The following GRIP2 variants were observed in gnomAD, a reference collection of about 807,000 sequenced individuals.
The protein encoded by GRIP2 is glutamate receptor interacting protein 2.
In GRIP2, 58 loss-of-function variants were observed where a neutral mutation model predicts 108.3. The ratio of observed to expected loss-of-function variants is 0.54; its 90% CI spans 0.43 to 0.67. The LOEUF (loss-of-function observed/expected upper bound fraction) is 0.67, where lower values mean the gene tolerates loss of function less well. Ranked by LOEUF, GRIP2 falls within the 30% of genes least tolerant of loss-of-function variation. The pLI, the probability that GRIP2 is intolerant of heterozygous loss-of-function variation, is 0.00. For synonymous variants in GRIP2, 586 were observed against 598.2 expected (o/e 0.98, Z 0.30); for missense variants, 1,278 against 1,430.6 (o/e 0.89, Z 1.72).
chr3:14,578,204 T>A, the GRIP2 span, among the ~76,000 whole-genome samples: 1 of 152,200 alleles, frequency 6.6e-6, no homozygotes, highest in Non-Finnish European at 1.5e-5. Context: ...GCTTGTCTTG[T>A]GTTTCCTGCA....
intron 1 of GRIP2, among the ~76,000 whole-genome samples, chr3:14,531,466 G>T: frequency 6.6e-6 from 1 of 152,190 alleles, no homozygotes; most frequent in East Asian, 1.9e-4. Context: ...GCCTCATTTT[G>T]CGGGGCTCTG....
At chr3:14,555,130 T>C (rs949939324) in intron 1 of GRIP2, among the ~76,000 whole-genome samples, 4 of 151,986 alleles carry the variant, frequency 2.6e-5, no homozygotes, top group Non-Finnish European at 5.9e-5. Context: ...CCTAGCACTC[T>C]GAGGGGCTGA....
chr3:14,549,491 G>A (rs1695110150), intron 1 of GRIP2, among the ~76,000 whole-genome samples: 1 of 152,218 alleles, frequency 6.6e-6, no homozygotes, highest in Non-Finnish European at 1.5e-5. Flanking sequence ...GAACACGGTG[G>A]TGGCCATTCA....
At chr3:14,585,690 A>C in the GRIP2 span, among the ~76,000 whole-genome samples, 4 of 152,230 alleles carry the variant, frequency 2.6e-5, no homozygotes, top group African/African-American at 9.6e-5. Context: ...AGCTTCCTTC[A>C]GGAGGAATAT....
chr3:14,500,953 C>T (rs1432268714), intron 21 of GRIP2, among the ~76,000 whole-genome samples: 1 of 152,106 alleles, frequency 6.6e-6, no homozygotes, highest in Non-Finnish European at 1.5e-5. Context: ...AAAGGTATTG[C>T]TTACACTTGT....
chr3:14,568,840 AC>A, the GRIP2 span, among the ~76,000 whole-genome samples: 1 of 151,876 alleles, frequency 6.6e-6, no homozygotes, highest in Non-Finnish European at 1.5e-5. Context: ...TCAGCAAACC[AC>A]CCCCATGGGC....
In GRIP2 at chr3:14,492,567, C is replaced by G. The variant is rs900026642; in HGVS notation, c.*1098G>C. 6.6e-6 allele frequency: 1 copy of G among 152,296 alleles called. No individual in the cohort carries two copies. Among genetic ancestry groups the G allele is most frequent in the African/African-American group, 2.4e-5 (1 of 41,472 alleles). 9.4% of individuals were successfully genotyped at this position (152,296 alleles called of 1,614,324 possible). ...AGCACTTTGGACACCCTCCACTGGG[C>G]AAGAGTGTCCCATCTTTTTCTCTGG... is the stretch of plus-strand genomic sequence containing the variant. On this transcript the variant is annotated 3_prime_UTR_variant, in exon 24 of 24. Coordinates refer to ENST00000621039, the MANE Select transcript of GRIP2 (RefSeq NM_001080423.4).
upstream of GRIP2, among the ~76,000 whole-genome samples, chr3:14,557,210 A>G (rs1252103187): frequency 6.6e-6 from 1 of 152,214 alleles, no homozygotes; most frequent in Non-Finnish European, 1.5e-5. Context: ...CCTAGGACGG[A>G]TGGAACACAG....
the GRIP2 span, among the ~76,000 whole-genome samples, chr3:14,572,677 C>T: frequency 6.7e-6 from 1 of 149,890 alleles, no homozygotes; most frequent in East Asian, 2.0e-4. Context: ...TAATAAATGC[C>T]CAGCAGTACA....
At chr3:14,526,297 A>C (rs1694552409) in intron 1 of GRIP2, among the ~76,000 whole-genome samples, 2 of 152,196 alleles carry the variant, frequency 1.3e-5, no homozygotes, top group Admixed American at 1.3e-4. Context: ...CCATTGTCAC[A>C]CAGCTGGAGA....
chr3:14,570,685 TG>T, the GRIP2 span, among the ~76,000 whole-genome samples: 1 of 152,262 alleles, frequency 6.6e-6, no homozygotes, highest in African/African-American at 2.4e-5. Context: ...TCATTGTTAG[TG>T]TATTTTTCTC....
intron 11 of GRIP2, 101 bp downstream of exon 11, chr3:14,516,963 C>A: frequency 8.4e-7 from 1 of 1,194,422 alleles, no homozygotes; most frequent in Non-Finnish European, 1.1e-6. Flanking sequence ...ACCTGGAGCT[C>A]TGCCCAAAAT....
rs537880841 is a variant in GRIP2 at position 14,511,307 on chromosome 3, C to T, written c.1791G>A (p.Thr597=). Residue 597 remains threonine, a synonymous_variant, in exon 16 of 24, where the codon ACG becomes ACA. Transcript: ENST00000621039. The surrounding 1 kb of genome is among the most constrained non-coding windows in gnomAD (Gnocchi z 4.1). Reference sequence around the variant, plus strand: ...GCTTGTCGCCTGGCTCCAGGGTGCCCGTCCTGCATGAGTCGGGGGCAGAGG... The same window carrying T: ...GCTTGTCGCCTGGCTCCAGGGTGCCTGTCCTGCATGAGTCGGGGGCAGAGG... ...DIKKGSVAHR[T]GTLEPGDKLL... 8.1e-6 allele frequency: 13 copies of T among 1,613,966 alleles called. No homozygotes were observed. Among genetic ancestry groups the T allele is most frequent in the East Asian group, 4.5e-5 (2 of 44,874 alleles).
intron 1 of GRIP2, among the ~76,000 whole-genome samples, chr3:14,527,472 T>G (rs2124934138): frequency 6.6e-6 from 1 of 150,414 alleles, no homozygotes; most frequent in Non-Finnish European, 1.5e-5. Flanking sequence ...AAAAGGGAAG[T>G]AAGAAAGGAA....
chr3:14,562,736 CG>C, the GRIP2 span, among the ~76,000 whole-genome samples: 7 of 32,512 alleles, frequency 2.2e-4, no homozygotes, highest in African/African-American at 8.4e-4. Flanking sequence ...CTCGGACTCC[CG>C]AGGCAGACGG....
chr3:14,541,794 C>G, upstream of GRIP2: 1 of 1,031,592 alleles, frequency 9.7e-7, no homozygotes, highest in Non-Finnish European at 1.3e-6. Context: ...TGGTGAGGGT[C>G]AGATTGCAGA....
chr3:14,509,250 C>T (rs1372679970), intron 17 of GRIP2, among the ~76,000 whole-genome samples: 1 of 152,320 alleles, frequency 6.6e-6, no homozygotes, highest in Non-Finnish European at 1.5e-5. Context: ...GGGAGCTCAC[C>T]GCTTCCTTGC....
the GRIP2 span, among the ~76,000 whole-genome samples, chr3:14,592,786 G>T: frequency 6.6e-6 from 1 of 152,070 alleles, no homozygotes; most frequent in Non-Finnish European, 1.5e-5. Flanking sequence ...CTGTTCTTTG[G>T]AATTCTGGCC....
the GRIP2 span, among the ~76,000 whole-genome samples, chr3:14,601,055 ATC>A: frequency 4.5e-4 from 67 of 149,482 alleles, no homozygotes; most frequent in Admixed American, 8.6e-4. Context: ...CGCCTCACCC[ATC>A]TCTCTCTCTC....
Sources: gnomAD v4.1 joint callset for allele counts (sites outside exome capture counted in the v4.1 genomes callset) on GRCh38, gnomAD v4.1.1 for gene constraint, Gnocchi (gnomAD v3.1) non-coding constraint, MANE v1.5 for transcripts, NCBI Gene and HGNC (gene_info 2026-07-23, HGNC 2026-07-21) for gene names.